Variants in NBPF15 observed in about 807,000 individuals in gnomAD.
NBPF15 encodes the protein NBPF member 15, also known as NBPF family member NBPF15.
A neutral mutation model predicts 62.2 loss-of-function variants in NBPF15; 74 were observed. That is an observed-to-expected ratio of 1.19 (90% confidence interval 0.99 to 1.44). NBPF15 has a LOEUF of 1.44. Among genes scored for constraint, NBPF15 ranks in the 40% most tolerant of loss-of-function variants. The probability of loss-of-function intolerance (pLI) is 0.00; values close to 1 mark genes in which losing one functional copy is unlikely to be tolerated. For synonymous variants in NBPF15, 244 were observed against 209.7 expected (o/e 1.16, Z -1.41); for missense variants, 790 against 550.0 (o/e 1.44, Z -4.36).
intron 4 of NBPF15, among the ~76,000 whole-genome samples, chr1:144,452,107 GC>G (rs1691554574): frequency 1.3e-5 from 2 of 151,526 alleles, no homozygotes; most frequent in African/African-American, 4.9e-5. Context: ...AGCTGAGATG[GC>G]GCCGTTGCAT....
intron 6 of NBPF15, among the ~76,000 whole-genome samples, chr1:144,445,256 G>C (rs1288337821): frequency 1.6e-5 from 2 of 123,592 alleles, no homozygotes; most frequent in African/African-American, 3.2e-5. Flanking sequence ...GTGTGTTTGT[G>C]TGTGTCTGTA....
chr1:144,425,632 C>T (rs1299929730), intron 18 of NBPF15, 64 bp from the exon 19 acceptor site: 6 of 551,868 alleles, frequency 1.1e-5, no homozygotes, highest in Non-Finnish European at 1.9e-5. Flanking sequence ...TAACAGTCCA[C>T]TGTCTAATCC....
intron 6 of NBPF15, among the ~76,000 whole-genome samples, chr1:144,444,344 G>A (rs868925684): frequency 5.4e-4 from 82 of 150,980 alleles, no homozygotes; most frequent in African/African-American, 1.7e-3. Context: ...GTTTTGCCTA[G>A]GTTTTTCCTG....
chr1:144,454,873 G>A (rs1693384353), intron 4 of NBPF15, among the ~76,000 whole-genome samples: 1 of 147,294 alleles, frequency 6.8e-6, no homozygotes, highest in Non-Finnish European at 1.5e-5. Flanking sequence ...CAAATCAGAG[G>A]AGGAGGAGGC....
intron 6 of NBPF15, among the ~76,000 whole-genome samples, chr1:144,445,459 A>G (rs1473581470): frequency 6.9e-6 from 1 of 145,482 alleles, no homozygotes; most frequent in Non-Finnish European, 1.5e-5. Context: ...CTATTTCTGG[A>G]TTCTCTCTTC....
At chr1:144,436,178 G>T (rs1404318618) in intron 10 of NBPF15, among the ~76,000 whole-genome samples, 4 of 152,024 alleles carry the variant, frequency 2.6e-5, no homozygotes, top group Admixed American at 1.3e-4. Flanking sequence ...CCAGGCACAG[G>T]CTTGGTGTCC....
In NBPF15 at chr1:144,450,261, C is replaced by A. The variant is rs1186276022; in HGVS notation, c.-333+511G>T. On this transcript the variant is annotated intron_variant, in intron 5 of 21. Transcript: ENST00000581897. ...CTGGATCTAATCACATCACTCCATA[C>A]ATGACAGAGCTTTGTGTGGCTGGTT... 2.3e-4 allele frequency among the ~76,000 whole-genome samples: 31 copies of A among 133,080 alleles called. No individual in the cohort carries two copies. In the East Asian group the frequency reaches 6.6e-3, roughly 28 times the overall value. 87.3% of individuals were successfully genotyped at this position (133,080 alleles called of 152,430 possible).
At chr1:144,442,337 GC>G (rs1684078772) in intron 6 of NBPF15, among the ~76,000 whole-genome samples, 3 of 126,288 alleles carry the variant, frequency 2.4e-5, no homozygotes, top group South Asian at 4.8e-4. Context: ...ATACACGTGT[GC>G]CATGTATATA....
rs1343493877 is a variant in NBPF15 at position 144,432,786 on chromosome 1, G to T, written c.824+987C>A. Among the ~76,000 whole-genome samples, 8 of 151,268 alleles carry T rather than the reference G, an allele frequency of 5.3e-5. 1 individual carries two copies. Among genetic ancestry groups the T allele is most frequent in the African/African-American group, 9.8e-5 (4 of 40,760 alleles). On this transcript the variant is annotated intron_variant, in intron 13 of 21. Transcript: ENST00000581897. ...CTAAATATATATGCACCCTATACAG[G>T]AGCACCCAGATTCATAAAGCAAGTC... is the stretch of plus-strand genomic sequence containing the variant.
intron 6 of NBPF15, among the ~76,000 whole-genome samples, chr1:144,447,745 G>A (rs1440313801): frequency 6.6e-6 from 1 of 152,024 alleles, no homozygotes; most frequent in Admixed American, 6.6e-5. Flanking sequence ...TCAAGATATT[G>A]TTATTTTCAA....
intron 6 of NBPF15, among the ~76,000 whole-genome samples, chr1:144,448,438 G>T (rs1264413733): frequency 4.6e-5 from 7 of 151,908 alleles, no homozygotes; most frequent in African/African-American, 1.7e-4. Flanking sequence ...ATGGCCACCT[G>T]TTTGCTCATT....
rs1571123827 is a variant in NBPF15 at position 144,433,762 on chromosome 1, CACA to C, written c.824+8_824+10del. 3 of 743,122 alleles carry C rather than the reference CACA, an allele frequency of 4.0e-6. No homozygotes were observed. The highest frequency in any genetic ancestry group is 4.9e-5 in the East Asian group (2 of 40,866). The allele number at this position is 743,122 out of a possible 1,614,324, so 46.0% of individuals were successfully genotyped here. A position where few individuals can be genotyped will look rare whatever the true frequency, so the allele number is the denominator to read the frequency against. ...CTACTGAATTAACAGCCAACAATTCCACAACATTACCTGGGAGACACTGGCCCT... is the reference window on the plus strand; with the variant it reads ...CTACTGAATTAACAGCCAACAATTCCACATTACCTGGGAGACACTGGCCCT... On this transcript the variant is annotated splice_region_variant and intron_variant, in intron 13 of 21. Coordinates refer to ENST00000581897, the MANE Select transcript of NBPF15 (RefSeq NM_001385408.1).
chr1:144,445,270 GTA>G (rs59434439), intron 6 of NBPF15, among the ~76,000 whole-genome samples: 2,053 of 104,938 alleles, frequency 0.02, 38 homozygotes, highest in South Asian at 0.054. Context: ...GTCTGTATAT[GTA>G]TATATATATA....
At chr1:144,434,456 G>A (rs1676705575) in intron 12 of NBPF15, among the ~76,000 whole-genome samples, 1 of 147,604 alleles carries the variant, frequency 6.8e-6, no homozygotes, top group Admixed American at 6.8e-5. Context: ...AGCCAAGATG[G>A]TGCCACTGCA....
chr1:144,429,359 A>T (rs1465267846), intron 14 of NBPF15, among the ~76,000 whole-genome samples: 48 of 151,186 alleles, frequency 3.2e-4, no homozygotes, highest in African/African-American at 1.2e-3. Context: ...AGCTGGCAAG[A>T]GACATTTAAT....
intron 6 of NBPF15, among the ~76,000 whole-genome samples, chr1:144,446,472 A>G (rs1687609824): frequency 6.6e-6 from 1 of 152,306 alleles, no homozygotes; most frequent in African/African-American, 2.4e-5. Context: ...TTAAAAGAGT[A>G]ACAACAGGTA....
At chr1:144,439,667 CCT>C (rs1488631353) in intron 8 of NBPF15, among the ~76,000 whole-genome samples, 160 bp downstream of exon 8, 3 of 150,656 alleles carry the variant, frequency 2.0e-5, no homozygotes, top group Non-Finnish European at 4.4e-5. Flanking sequence ...TACTTTGGTA[CCT>C]CTGTCTTCCA....
intron 4 of NBPF15, among the ~76,000 whole-genome samples, chr1:144,451,404 C>T (rs1160925288): frequency 2.2e-4 from 33 of 151,228 alleles, no homozygotes; most frequent in African/African-American, 7.0e-4. Flanking sequence ...TGCAAAGAGG[C>T]CTTCCTTCCT....
rs1161922580 is a variant in NBPF15, at chr1:144,436,362, C to A, written c.494-509G>T. ...CTGAAGCACTTCCTACCACAAAACG[C>A]CCCCACATAAAGTGCCTTCTCCAAC... On this transcript the variant is annotated intron_variant, in intron 10 of 21. Transcript: ENST00000581897. 5.3e-4 allele frequency among the ~76,000 whole-genome samples: 80 copies of A among 152,008 alleles called. 1 individual carries two copies. Among genetic ancestry groups the A allele is most frequent in the Non-Finnish European group, 8.2e-4 (56 of 67,966 alleles).
Sources: allele counts gnomAD v4.1 joint callset (sites outside exome capture counted in the v4.1 genomes callset), GRCh38; gene constraint gnomAD v4.1.1; transcripts MANE v1.5; gene names NCBI Gene and HGNC (gene_info 2026-07-23, HGNC 2026-07-21).